Variants in ZNF519 observed in about 807,000 individuals in gnomAD.
The protein encoded by ZNF519 is similar to Zinc finger protein 85 (Zinc finger protein HPF4) (HTF1).
A neutral mutation model predicts 7.4 loss-of-function variants in ZNF519; 7 were observed. The ratio of observed to expected loss-of-function variants is 0.94; its 90% CI spans 0.54 to 1.77. ZNF519 has a LOEUF of 1.77. ZNF519 is among the 40% of genes most tolerant of loss of function. The pLI is 0.00. For synonymous variants in ZNF519, 179 were observed against 203.3 expected (o/e 0.88, Z 1.02); for missense variants, 586 against 623.1 (o/e 0.94, Z 0.63).
exon 5 of ZNF519, chr18:14,076,408 G>C (rs1163541581): frequency 6.6e-6 from 1 of 152,162 alleles, no homozygotes; most frequent in East Asian, 1.9e-4. Flanking sequence ...CTGGAATTAA[G>C]AGTCTTTTCA....
intron 2 of ZNF519, chr18:14,122,319 T>C (rs758242980): frequency 3.3e-5 from 5 of 152,158 alleles, no homozygotes; most frequent in Non-Finnish European, 7.3e-5. Flanking sequence ...AGAATCACAT[T>C]TGCAACCTCT....
chr18:14,095,960 A>G (rs537101391), downstream of ZNF519, among the ~76,000 whole-genome samples: 13 of 152,304 alleles, frequency 8.5e-5, no homozygotes, highest in Middle Eastern at 3.4e-3. Flanking sequence ...AGTGGGGTTC[A>G]CTCGTGGCCT....
intron 2 of ZNF519, among the ~76,000 whole-genome samples, chr18:14,120,318 A>C (rs1197851939): frequency 6.6e-6 from 1 of 152,150 alleles, no homozygotes; most frequent in African/African-American, 2.4e-5. Flanking sequence ...TTGTCAATAC[A>C]CGGTGCCAGA....
At chr18:14,117,544 A>C (rs76606770) in intron 2 of ZNF519, among the ~76,000 whole-genome samples, 2,375 of 152,282 alleles carry the variant, frequency 0.016, 64 homozygotes, top group African/African-American at 0.055. Context: ...TTGCACATCC[A>C]TGTTCATTGC....
At chr18:14,107,159 C>T (rs528951927) in intron 2 of ZNF519, among the ~76,000 whole-genome samples, 27 of 152,292 alleles carry the variant, frequency 1.8e-4, no homozygotes, top group African/African-American at 6.0e-4. Flanking sequence ...CTCCTCCAAA[C>T]TAAGGCTGCA....
Position 14,104,845 on chromosome 18 carries a change from G to C in ZNF519, c.*72C>G. ...ACATATGGGATTTCTATCCAGTATT[G>C]ATTTTCTAATGTTGAGTAAGGTGTG... is the stretch of plus-strand genomic sequence containing the variant. On this transcript the variant is annotated 3_prime_UTR_variant, in exon 3 of 3. Coordinates refer to ENST00000590202, the MANE Select transcript of ZNF519 (RefSeq NM_145287.4). 7.1e-7 allele frequency: 1 copy of C among 1,410,538 alleles called. No homozygotes were observed. Among genetic ancestry groups the C allele is most frequent in the Non-Finnish European group, 9.4e-7 (1 of 1,062,496 alleles). 87.4% of individuals were successfully genotyped at this position (1,410,538 alleles called of 1,614,324 possible). A position where few individuals can be genotyped will look rare whatever the true frequency, so the allele number is the denominator to read the frequency against.
chr18:14,097,425 C>T (rs996843254), downstream of ZNF519, among the ~76,000 whole-genome samples: 12 of 152,094 alleles, frequency 7.9e-5, no homozygotes, highest in Admixed American at 5.9e-4. Flanking sequence ...GCAGCCTGTG[C>T]CCACATCATC....
chr18:14,102,934 A>T lies in ZNF519; in HGVS notation c.*1983T>A, dbSNP rs1459715512. 2 of 152,072 alleles carry T rather than the reference A, an allele frequency of 1.3e-5. No individual in the cohort carries two copies. The highest frequency in any genetic ancestry group is 2.9e-5 in the Non-Finnish European group (2 of 67,974). The allele number at this position is 152,072 out of a possible 1,614,324, so 9.4% of individuals were successfully genotyped here. ...AGGAAGTAACTTCAAAAACATGAAC[A>T]ATTATATAAATTAAAAGATTATATG... is the stretch of plus-strand genomic sequence containing the variant. On this transcript the variant is annotated 3_prime_UTR_variant, in exon 3 of 3. Transcript: ENST00000590202.
rs528890919 is a variant in ZNF519 at position 14,106,541 on chromosome 18, G to C, written c.131-132C>G. 6 of 648,002 alleles carry C rather than the reference G, an allele frequency of 9.3e-6. No homozygotes were observed. In the East Asian group the frequency reaches 1.8e-4, roughly 19 times the overall value. 40.1% of individuals were successfully genotyped at this position (648,002 alleles called of 1,614,324 possible). On this transcript the variant is annotated intron_variant, in intron 2 of 2. Coordinates refer to ENST00000590202, the MANE Select transcript of ZNF519 (RefSeq NM_145287.4). ...CATAGTAGAAAACCAAGAAAGGACA[G>C]AGCAAGATGGCTAAATAGAAGGCTC... is the stretch of plus-strand genomic sequence containing the variant.
chr18:14,118,248 C>T (rs1300384353), intron 2 of ZNF519, among the ~76,000 whole-genome samples: 3 of 151,806 alleles, frequency 2.0e-5, no homozygotes, highest in African/African-American at 4.8e-5. Context: ...TTAATAGAGC[C>T]GGGGTTTCAC....
intron 1 of ZNF519, 72 bp from the exon 2 acceptor site, chr18:14,124,548 C>A: frequency 2.0e-6 from 3 of 1,535,186 alleles, no homozygotes; most frequent in Non-Finnish European, 2.7e-6. Context: ...ATAACTAGTT[C>A]TGACTTATGT....
chr18:14,081,370 G>A (rs961471983), intron 3 of ZNF519, among the ~76,000 whole-genome samples: 3 of 151,928 alleles, frequency 2.0e-5, no homozygotes, highest in African/African-American at 7.3e-5. Context: ...TATTTAGGAA[G>A]GTAAAAGAAG....
intron 2 of ZNF519, among the ~76,000 whole-genome samples, chr18:14,116,993 G>A (rs372175378): frequency 1.3e-5 from 2 of 152,212 alleles, no homozygotes; most frequent in East Asian, 1.9e-4. Context: ...CATGGGCAAC[G>A]AGAGCAAAAC....
rs535602818 is a variant in ZNF519, at chr18:14,100,843, C to T, written c.*4074G>A. The T allele has an allele frequency of 6.6e-6, 1 of 152,264 alleles. No homozygotes were observed. The highest frequency in any genetic ancestry group is 2.4e-5 in the African/African-American group (1 of 41,560). 9.4% of individuals were successfully genotyped at this position (152,264 alleles called of 1,614,324 possible). A position where few individuals can be genotyped will look rare whatever the true frequency, so the allele number is the denominator to read the frequency against. On this transcript the variant is annotated 3_prime_UTR_variant, in exon 3 of 3. Transcript: ENST00000590202. The stretch of plus-strand genomic sequence containing the variant: ...AGGTTAATTCTATTACTGTCAATAT[C>T]TTAGTTTTGATATTTTTATAATCTT...
At chr18:14,127,536 T>C (rs557644003) in intron 1 of ZNF519, among the ~76,000 whole-genome samples, 12 of 152,150 alleles carry the variant, frequency 7.9e-5, no homozygotes, top group South Asian at 2.1e-4. Flanking sequence ...AAATTCAAAA[T>C]CTGGAGCTGC....
downstream of ZNF519, chr18:14,072,163 G>A (rs1465102852): frequency 1.3e-5 from 2 of 152,048 alleles, no homozygotes; most frequent in African/African-American, 2.4e-5. Context: ...GGTATTTCTG[G>A]AGTAACTGCC....
At chr18:14,128,700 C>CAT (rs779752167) in intron 1 of ZNF519, among the ~76,000 whole-genome samples, 3 of 89,930 alleles carry the variant, frequency 3.3e-5, no homozygotes, top group Non-Finnish European at 8.3e-5. Context: ...AACACACACA[C>CAT]ACACACACAC....
intron 3 of ZNF519, among the ~76,000 whole-genome samples, chr18:14,081,399 A>G (rs2046070260): frequency 6.6e-6 from 1 of 152,236 alleles, no homozygotes; most frequent in Non-Finnish European, 1.5e-5. Context: ...TTTTAAAGAA[A>G]AAAATGAGGA....
intron 1 of ZNF519, among the ~76,000 whole-genome samples, chr18:14,131,638 C>T (rs912529633): frequency 1.3e-5 from 2 of 152,040 alleles, no homozygotes; most frequent in African/African-American, 2.4e-5. Flanking sequence ...GCATTTTTTT[C>T]TAAGTTACTA....
Sources: gnomAD v4.1 joint callset for allele counts (sites outside exome capture counted in the v4.1 genomes callset) on GRCh38, gnomAD v4.1.1 for gene constraint, MANE v1.5 for transcripts, NCBI Gene and HGNC (gene_info 2026-07-23, HGNC 2026-07-21) for gene names.